CNTN4: variants seen among roughly 807,000 people sequenced by gnomAD.
CNTN4 encodes contactin-4.
In CNTN4, 77 loss-of-function variants were observed where a neutral mutation model predicts 122.5. That is an observed-to-expected ratio of 0.63 (90% confidence interval 0.52 to 0.76). The LOEUF is 0.76. CNTN4 is among the 30% of genes least tolerant of loss of function. The pLI is 0.00. For missense variants in CNTN4, 1,256 were observed against 1,259.1 expected, an observed-to-expected ratio of 1.00 and a Z score of 0.04; for synonymous variants, 512 against 447.0, an observed-to-expected ratio of 1.15 and a Z score of -1.83.
chr3:2,852,542 C>T (rs563145231), intron 7 of CNTN4, among the ~76,000 whole-genome samples: 2 of 152,178 alleles, frequency 1.3e-5, no homozygotes, highest in Admixed American at 6.6e-5. Flanking sequence ...ACCATGTGCT[C>T]GACACTGTGC....
At chr3:3,053,281 C>T (rs539495762) in intron 23 of CNTN4, among the ~76,000 whole-genome samples, 1 of 152,358 alleles carries the variant, frequency 6.6e-6, no homozygotes, top group South Asian at 2.1e-4. Context: ...GTGAGTCACC[C>T]ACCTTGGCCT....
intron 3 of CNTN4, among the ~76,000 whole-genome samples, chr3:2,527,075 C>G (rs1394732591): frequency 6.6e-6 from 1 of 152,104 alleles, no homozygotes; most frequent in Admixed American, 6.6e-5. Context: ...CCTGGCATTC[C>G]TTAAGAATGA....
chr3:2,636,193 T>A (rs1021567737), intron 4 of CNTN4, among the ~76,000 whole-genome samples: 2 of 152,130 alleles, frequency 1.3e-5, no homozygotes, highest in African/African-American at 4.8e-5. Context: ...ACCTTGGCAT[T>A]TTGGTATTGG....
At chr3:2,898,065 CA>C (rs1178808133) in intron 10 of CNTN4, among the ~76,000 whole-genome samples, 1 of 152,148 alleles carries the variant, frequency 6.6e-6, no homozygotes, top group Non-Finnish European at 1.5e-5. Context: ...CACATGACTT[CA>C]TTTATTCTAG....
intron 3 of CNTN4, among the ~76,000 whole-genome samples, chr3:2,397,921 G>A (rs1428457133): frequency 6.6e-6 from 1 of 152,012 alleles, no homozygotes; most frequent in Non-Finnish European, 1.5e-5. Context: ...ATTTTATGGG[G>A]TTGAATTTGG....
chr3:2,762,576 T>C (rs1348458650), intron 6 of CNTN4, among the ~76,000 whole-genome samples: 1 of 152,240 alleles, frequency 6.6e-6, no homozygotes, highest in African/African-American at 2.4e-5. Context: ...CAGTCTATCA[T>C]TGATGCGCTT....
At chr3:2,722,749 A>G (rs1307693886) in intron 4 of CNTN4, among the ~76,000 whole-genome samples, 1 of 152,246 alleles carries the variant, frequency 6.6e-6, no homozygotes. Context: ...ACCTTATGAC[A>G]AAATGACATA....
chr3:2,435,628 C>G (rs1359538687), intron 3 of CNTN4, among the ~76,000 whole-genome samples: 1 of 152,098 alleles, frequency 6.6e-6, no homozygotes, highest in Non-Finnish European at 1.5e-5. Context: ...TACTCATCTT[C>G]TTAGTTCTCC....
intron 6 of CNTN4, among the ~76,000 whole-genome samples, chr3:2,811,227 T>C (rs2092600174): frequency 6.6e-6 from 1 of 151,200 alleles, no homozygotes; most frequent in Non-Finnish European, 1.5e-5. Context: ...CTGGCCAATG[T>C]GGGAAACCTG....
intron 13 of CNTN4, among the ~76,000 whole-genome samples, chr3:2,987,078 A>G (rs937666512): frequency 1.3e-5 from 2 of 152,216 alleles, no homozygotes; most frequent in African/African-American, 4.8e-5. Context: ...GAAGGTGAGA[A>G]GGTGACAGCT....
chr3:2,123,014 G>C (rs1401445396), intron 2 of CNTN4, among the ~76,000 whole-genome samples: 1 of 152,172 alleles, frequency 6.6e-6, no homozygotes, highest in East Asian at 1.9e-4. Flanking sequence ...GAGCCATTCT[G>C]ATCTTTGAAT....
chr3:2,690,164 C>T (rs1033850005), intron 4 of CNTN4, among the ~76,000 whole-genome samples: 1 of 152,052 alleles, frequency 6.6e-6, no homozygotes, highest in East Asian at 1.9e-4. Flanking sequence ...ATTCTATTAG[C>T]AGGTAGTGTG....
chr3:2,870,840 G>T (rs1217559367), intron 8 of CNTN4, among the ~76,000 whole-genome samples: 1 of 152,114 alleles, frequency 6.6e-6, no homozygotes, highest in East Asian at 1.9e-4. Flanking sequence ...AAGCAGTCTG[G>T]ACTATGATTT....
At chr3:2,889,677 T>C (rs903086865) in intron 10 of CNTN4, among the ~76,000 whole-genome samples, 1 of 152,206 alleles carries the variant, frequency 6.6e-6, no homozygotes, top group Non-Finnish European at 1.5e-5. Flanking sequence ...TTCAGTTCAG[T>C]GGTGGCTGTT....
chr3:2,851,687 CTG>C (rs1314861704), intron 7 of CNTN4, among the ~76,000 whole-genome samples: 1 of 152,154 alleles, frequency 6.6e-6, no homozygotes, highest in Non-Finnish European at 1.5e-5. Context: ...TGTGAGAAAA[CTG>C]AGGCTTAGAA....
In CNTN4 at chr3:2,679,630, A is replaced by G. The variant is rs1412781152; in HGVS notation, c.56-56585A>G. ...ATGGGATTATACTGGGGTCACCCTG[A>G]GCAGGTCATCTGGTTGGATGAGAAG... On this transcript the variant is annotated intron_variant, in intron 4 of 24. Coordinates refer to ENST00000418658, the MANE Select transcript of CNTN4 (RefSeq NM_175607.3). 2.6e-5 allele frequency among the ~76,000 whole-genome samples: 4 copies of G among 152,294 alleles called. No homozygotes were observed. The East Asian group carries it at 7.7e-4, about 29-fold the overall frequency.
chr3:2,934,088 G>T (rs2094547856), intron 13 of CNTN4, among the ~76,000 whole-genome samples: 1 of 152,144 alleles, frequency 6.6e-6, no homozygotes, highest in Non-Finnish European at 1.5e-5. Context: ...AAAAATAATG[G>T]TGCAAGCATG....
chr3:2,461,388 C>T (rs1220038967), intron 3 of CNTN4, among the ~76,000 whole-genome samples: 2 of 152,124 alleles, frequency 1.3e-5, no homozygotes, highest in African/African-American at 4.8e-5. Flanking sequence ...TACATTATCT[C>T]AGTGAATTTT....
intron 14 of CNTN4, among the ~76,000 whole-genome samples, chr3:3,023,006 C>A (rs1698430616): frequency 6.6e-6 from 1 of 152,130 alleles, no homozygotes; most frequent in Non-Finnish European, 1.5e-5. Context: ...ATAGGTTCTT[C>A]CTGATCTCGA....
Sources: allele counts gnomAD v4.1 joint callset (sites outside exome capture counted in the v4.1 genomes callset), GRCh38; gene constraint gnomAD v4.1.1; transcripts MANE v1.5; gene names NCBI Gene and HGNC (gene_info 2026-07-23, HGNC 2026-07-21).